Variants in TTC17 observed in about 807,000 individuals in gnomAD.
TTC17 encodes the protein tetratricopeptide repeat domain 17.
TTC17 carries 58 observed loss-of-function variants against 143.8 expected under a neutral mutation model. The ratio of observed to expected loss-of-function variants is 0.40; its 90% confidence interval spans 0.33 to 0.50. The LOEUF (loss-of-function observed/expected upper bound fraction) is 0.50. Among genes scored for constraint, TTC17 ranks in the 20% least tolerant of loss-of-function variants. The pLI is 0.49. For missense variants in TTC17, 1,273 were observed against 1,392.5 expected, an observed-to-expected ratio of 0.91 and a Z score of 1.37; for synonymous variants, 501 against 497.8, an observed-to-expected ratio of 1.01 and a Z score of -0.09.
chr11:43,363,172 A>G (rs1165509882), intron 1 of TTC17, among the ~76,000 whole-genome samples: 2 of 152,136 alleles, frequency 1.3e-5, no homozygotes, highest in Non-Finnish European at 2.9e-5. Context: ...CTTTTGGTTG[A>G]CTTTTTGAAA....
intron 21 of TTC17, 67 bp from the exon 22 acceptor site, chr11:43,490,172 C>T: frequency 1.3e-6 from 2 of 1,548,736 alleles, no homozygotes; most frequent in Non-Finnish European, 1.8e-6. Context: ...TGTTACTGAA[C>T]TTAATCTTGG....
intron 23 of TTC17, among the ~76,000 whole-genome samples, chr11:43,493,070 G>A (rs1049490696): frequency 6.6e-6 from 1 of 152,210 alleles, no homozygotes; most frequent in Non-Finnish European, 1.5e-5. Flanking sequence ...TGAAGAATCT[G>A]TTGTTGCTCC....
chr11:43,433,424 T>G (rs1947206042), intron 16 of TTC17, among the ~76,000 whole-genome samples: 1 of 152,306 alleles, frequency 6.6e-6, no homozygotes, highest in East Asian at 1.9e-4. Context: ...CATAAACCTC[T>G]TACTCTTTTT....
chr11:43,409,026 C>T (rs1023940277), intron 15 of TTC17, among the ~76,000 whole-genome samples: 10 of 152,140 alleles, frequency 6.6e-5, no homozygotes, highest in African/African-American at 2.4e-4. Flanking sequence ...TACAGGCATG[C>T]ACCACCACAC....
chr11:43,360,820 T>G (rs907565137), intron 1 of TTC17, among the ~76,000 whole-genome samples: 1 of 152,082 alleles, frequency 6.6e-6, no homozygotes, highest in Non-Finnish European at 1.5e-5. Context: ...AGGGAAGAGC[T>G]GAAGAATCTT....
At chr11:43,375,756 A>T (rs1010863782) in intron 1 of TTC17, among the ~76,000 whole-genome samples, 2 of 152,122 alleles carry the variant, frequency 1.3e-5, no homozygotes, top group African/African-American at 4.8e-5. Context: ...AAGAATAATT[A>T]AAAAGTGATT....
Position 43,420,977 on chromosome 11 carries a change from CTTCA to C in TTC17, c.2251+6218_2251+6221del, listed in dbSNP as rs968992707. On this transcript the variant is annotated intron_variant, in intron 16 of 23. Coordinates refer to ENST00000039989, the MANE Select transcript of TTC17 (RefSeq NM_018259.6). ...CAAAGAAAACTGGGTGTGGTTTATTCTTCATTCATTCATTCATTCAATGAACACT... is the reference window on the plus strand; with the variant it reads ...CAAAGAAAACTGGGTGTGGTTTATTCTTCATTCATTCATTCAATGAACACT... 5.9e-4 allele frequency among the ~76,000 whole-genome samples: 90 copies of C among 152,154 alleles called. 1 individual carries two copies. The highest frequency in any genetic ancestry group is 3.4e-3 in the Middle Eastern group (1 of 294).
chr11:43,381,540 T>TAAC (rs1051619610), intron 2 of TTC17, among the ~76,000 whole-genome samples: 1 of 151,950 alleles, frequency 6.6e-6, no homozygotes, highest in African/African-American at 2.4e-5. Flanking sequence ...ATAATAATAA[T>TAAC]AACAACAACA....
intron 21 of TTC17, among the ~76,000 whole-genome samples, chr11:43,461,995 A>G (rs940406319): frequency 6.6e-6 from 1 of 152,018 alleles, no homozygotes; most frequent in Non-Finnish European, 1.5e-5. Flanking sequence ...ATAAAAGTAG[A>G]GCACAAATAG....
chr11:43,381,819 A>G (rs953135768), intron 2 of TTC17, among the ~76,000 whole-genome samples: 3 of 152,172 alleles, frequency 2.0e-5, no homozygotes, highest in Admixed American at 1.3e-4. Flanking sequence ...GCATGAAGAA[A>G]TACTTCAGGG....
chr11:43,452,784 A>G (rs1362734381), intron 21 of TTC17, among the ~76,000 whole-genome samples: 1 of 151,748 alleles, frequency 6.6e-6, no homozygotes, highest in African/African-American at 2.4e-5. Flanking sequence ...AAAAATTAAA[A>G]TGCTCACACA....
At position 43,425,457 on chromosome 11, in the gene TTC17, A is replaced by G. The variant is rs185572081; in HGVS notation, c.2251+10681A>G. On this transcript the variant is annotated intron_variant, in intron 16 of 23. Coordinates refer to ENST00000039989, the MANE Select transcript of TTC17 (RefSeq NM_018259.6). ...TTATGTTTGCTTTGAGACAGTTGAA[A>G]TGAGTTCCTAGTTTTAGACTATTTT... Among the ~76,000 whole-genome samples, 19 of 152,272 alleles carry G rather than the reference A, an allele frequency of 1.2e-4. No homozygotes were observed. The East Asian group carries it at 3.5e-3, about 28-fold the overall frequency.
chr11:43,387,888 A>G (rs1315287402), intron 2 of TTC17, among the ~76,000 whole-genome samples: 1 of 152,222 alleles, frequency 6.6e-6, no homozygotes, highest in Non-Finnish European at 1.5e-5. Context: ...TAATAAATAT[A>G]ACAAAATAAT....
intron 1 of TTC17, among the ~76,000 whole-genome samples, chr11:43,363,811 T>C (rs962690478): frequency 1.3e-5 from 2 of 152,144 alleles, no homozygotes; most frequent in Non-Finnish European, 2.9e-5. Context: ...AGATTTTTTT[T>C]CCTCTCATAA....
Position 43,399,790 on chromosome 11 carries a change from A to G in TTC17, c.1059-98A>G, listed in dbSNP as rs1466968420. 9 of 1,201,428 alleles carry G rather than the reference A, an allele frequency of 7.5e-6. No homozygotes were observed. In the East Asian group the frequency reaches 2.2e-4, roughly 30 times the overall value. The allele number at this position is 1,201,428 out of a possible 1,614,324, so 74.4% of individuals were successfully genotyped here. On this transcript the variant is annotated intron_variant, in intron 8 of 23. Coordinates refer to ENST00000039989, the MANE Select transcript of TTC17 (RefSeq NM_018259.6). Reference sequence around the variant, plus strand: ...GTTAAATAAAAGGAAAACACACAGTAATTGTTGCTGAGAACCAGAAAAATC... The same window carrying G: ...GTTAAATAAAAGGAAAACACACAGTGATTGTTGCTGAGAACCAGAAAAATC...
At chr11:43,482,135 T>C (rs1321595137) in intron 21 of TTC17, among the ~76,000 whole-genome samples, 1 of 152,070 alleles carries the variant, frequency 6.6e-6, no homozygotes, top group Non-Finnish European at 1.5e-5. Flanking sequence ...AGTTTGAGGA[T>C]CCACTGACTT....
intron 15 of TTC17, among the ~76,000 whole-genome samples, chr11:43,409,239 C>G (rs1858290110): frequency 6.6e-6 from 1 of 152,144 alleles, no homozygotes; most frequent in African/African-American, 2.4e-5. Context: ...ATGCCACAAC[C>G]TATTTTTCTG....
At chr11:43,485,920 C>T (rs1475938103) in intron 21 of TTC17, among the ~76,000 whole-genome samples, 7 of 146,644 alleles carry the variant, frequency 4.8e-5, no homozygotes, top group Non-Finnish European at 1.0e-4. Context: ...ATGCATATCC[C>T]GTGGCCCAGA....
intron 21 of TTC17, among the ~76,000 whole-genome samples, chr11:43,473,394 C>G (rs952260269): frequency 6.6e-6 from 1 of 152,070 alleles, no homozygotes; most frequent in African/African-American, 2.4e-5. Context: ...TAGTTTAAAA[C>G]AGAAAGGGGA....
Sources: allele counts gnomAD v4.1 joint callset (sites outside exome capture counted in the v4.1 genomes callset), GRCh38; gene constraint gnomAD v4.1.1; transcripts MANE v1.5; gene names NCBI Gene and HGNC (gene_info 2026-07-23, HGNC 2026-07-21).